Variants in AHRR observed in about 807,000 individuals in gnomAD.
AHRR encodes ahR repressor.
Under a neutral mutation model 44.0 loss-of-function variants are expected in AHRR, and 28 were observed. That is an observed-to-expected ratio of 0.64 (90% CI 0.47 to 0.87). The LOEUF (loss-of-function observed/expected upper bound fraction) is 0.87, where lower values mean the gene tolerates loss of function less well. AHRR is among the 40% of genes least tolerant of loss of function. The probability of loss-of-function intolerance (pLI) is 0.00; values close to 1 mark genes in which losing one functional copy is unlikely to be tolerated. For synonymous variants in AHRR, 434 were observed against 407.0 expected (o/e 1.07, Z -0.80); for missense variants, 990 against 953.9 (o/e 1.04, Z -0.50).
At chr5:416,321 T>C (rs1735810372) in intron 5 of AHRR, among the ~76,000 whole-genome samples, 1 of 152,240 alleles carries the variant, frequency 6.6e-6, no homozygotes, top group Non-Finnish European at 1.5e-5. Context: ...GCCCACACAA[T>C]GGCCAGCAGC....
intron 2 of AHRR, among the ~76,000 whole-genome samples, chr5:346,878 C>T (rs1742696921): frequency 6.6e-6 from 1 of 152,154 alleles, no homozygotes; most frequent in African/African-American, 2.4e-5. Context: ...TCTCCGCCTC[C>T]GGGGTCTCAT....
chr5:360,824 T>G (rs964319548), intron 3 of AHRR, among the ~76,000 whole-genome samples: 4 of 152,172 alleles, frequency 2.6e-5, no homozygotes, highest in African/African-American at 9.7e-5. Context: ...CTAAGCAAAG[T>G]GTTGAAACCC....
chr5:434,398 T>C lies in AHRR; in HGVS notation c.1658T>C (p.Val553Ala), dbSNP rs1187738431. ...GAADGCVPSQ[V>A]WLGASDRSHP... is the part of the protein sequence containing the mutation. ...GCAGACGGCTGTGTGCCCAGCCAGG[T>C]GTGGCTGGGGGCCAGTGACAGGAGC... is the stretch of plus-strand genomic sequence containing the variant. Residue 553 changes from valine to alanine, a missense_variant, in exon 11 of 11, where the codon GTG becomes GCG. Val to Ala is a moderately conservative substitution (Grantham distance 64). Transcript: ENST00000684583. 1 of 1,613,534 alleles carries C rather than the reference T, an allele frequency of 6.2e-7. No homozygotes were observed. The highest frequency in any genetic ancestry group is 8.5e-7 in the Non-Finnish European group (1 of 1,179,964).
chr5:329,722 A>C (rs1741848101), intron 1 of AHRR, among the ~76,000 whole-genome samples: 1 of 152,062 alleles, frequency 6.6e-6, no homozygotes, highest in Non-Finnish European at 1.5e-5. Context: ...GTATTTTTTA[A>C]TGGTTATTGT....
intron 3 of AHRR, among the ~76,000 whole-genome samples, chr5:356,391 T>A (rs193236503): frequency 1.6e-4 from 25 of 152,356 alleles, no homozygotes; most frequent in African/African-American, 5.8e-4. Flanking sequence ...AGCCCAGTTG[T>A]GGGTCAGGCC....
chr5:422,678 G>A (rs927061904), intron 5 of AHRR, 51 bp from the exon 6 acceptor site: 13 of 1,613,598 alleles, frequency 8.1e-6, no homozygotes, highest in Non-Finnish European at 1.0e-5. Flanking sequence ...GGAATAAAGT[G>A]TCTAAAGCCA....
intron 2 of AHRR, among the ~76,000 whole-genome samples, chr5:344,501 T>A (rs1476638876): frequency 6.0e-4 from 1 of 1,678 alleles, no homozygotes; most frequent in Non-Finnish European, 1.0e-3. Context: ...TGTGTGTGTG[T>A]GGGTGTGTGT....
chr5:394,730 G>T (rs1380049529), intron 4 of AHRR, among the ~76,000 whole-genome samples: 1 of 152,232 alleles, frequency 6.6e-6, no homozygotes, highest in Non-Finnish European at 1.5e-5. Context: ...GTGTGCGCTG[G>T]CTCCGATTGG....
intron 5 of AHRR, chr5:422,498 G>T (rs947012920): frequency 3.6e-6 from 2 of 558,604 alleles, no homozygotes; most frequent in Non-Finnish European, 6.4e-6. Flanking sequence ...GCTGGATGTG[G>T]GCACCACTTG....
chr5:407,450 T>A (rs946588902), intron 4 of AHRR, among the ~76,000 whole-genome samples: 1 of 152,252 alleles, frequency 6.6e-6, no homozygotes, highest in Non-Finnish European at 1.5e-5. Context: ...TCTACAATTA[T>A]GTACCCTAAT....
intron 2 of AHRR, among the ~76,000 whole-genome samples, chr5:348,967 C>T (rs548004299): frequency 1.1e-4 from 17 of 152,288 alleles, no homozygotes; most frequent in African/African-American, 4.1e-4. Flanking sequence ...TCTGCATCCC[C>T]GCCGGTGCGT....
intron 9 of AHRR, 91 bp from the exon 10 acceptor site, chr5:432,715 T>A (rs1736788269): frequency 6.3e-7 from 1 of 1,598,472 alleles, no homozygotes; most frequent in Non-Finnish European, 8.6e-7. Context: ...GAGGAGCCGA[T>A]GGGTCCTGCC....
At chr5:421,071 T>TA (rs1419837404) in intron 5 of AHRR, 2 of 494,172 alleles carry the variant, frequency 4.0e-6, no homozygotes, top group Non-Finnish European at 7.3e-6. Flanking sequence ...GACTAAAAGA[T>TA]AAAGAGGGAA....
intron 1 of AHRR, among the ~76,000 whole-genome samples, chr5:340,695 T>TA (rs1560881676): frequency 7.3e-5 from 4 of 54,736 alleles, no homozygotes; most frequent in African/African-American, 2.4e-4. Flanking sequence ...TATATTTTTT[T>TA]TTTTTTTTTT....
intron 4 of AHRR, among the ~76,000 whole-genome samples, chr5:400,226 T>C (rs1412571139): frequency 6.6e-6 from 1 of 152,222 alleles, no homozygotes; most frequent in Non-Finnish European, 1.5e-5. Flanking sequence ...AAAATAATCT[T>C]TGAAGTACTT....
chr5:391,299 T>G (rs1734405792), intron 4 of AHRR, among the ~76,000 whole-genome samples: 4 of 79,616 alleles, frequency 5.0e-5, no homozygotes, highest in East Asian at 2.8e-4. Flanking sequence ...CACAGCCAGA[T>G]TAGGAAGGTG....
At chr5:366,023 A>G (rs963017595) in intron 3 of AHRR, among the ~76,000 whole-genome samples, 1 of 152,242 alleles carries the variant, frequency 6.6e-6, no homozygotes, top group African/African-American at 2.4e-5. Flanking sequence ...AAAGAGAGAC[A>G]TGAATATGTA....
At chr5:368,368 C>T (rs998796303) in intron 3 of AHRR, among the ~76,000 whole-genome samples, 15 of 152,142 alleles carry the variant, frequency 9.9e-5, no homozygotes, top group Non-Finnish European at 1.9e-4. Flanking sequence ...TGACCGCTCA[C>T]TCATCTGTAC....
rs1250382981 is a variant in AHRR at position 404,636 on chromosome 5, G to C, written c.352-8708G>C. 4.7e-6 allele frequency: 1 copy of C among 213,712 alleles called. No individual in the cohort carries two copies. Among genetic ancestry groups the C allele is most frequent in the East Asian group, 1.2e-4 (1 of 8,266 alleles). 13.2% of individuals were successfully genotyped at this position (213,712 alleles called of 1,614,324 possible). On this transcript the variant is annotated intron_variant, in intron 4 of 10. Coordinates refer to ENST00000684583, the MANE Select transcript of AHRR (RefSeq NM_001377236.1). The surrounding 1 kb of genome is among the most constrained non-coding windows in gnomAD (Gnocchi z 4.1). ...ACTGTCATAAAAATTCACTCTCTTG[G>C]TTGAGTCAGTAATACGAGGGACATG...
Sources: allele counts gnomAD v4.1 joint callset (sites outside exome capture counted in the v4.1 genomes callset), GRCh38; gene constraint gnomAD v4.1.1; non-coding constraint Gnocchi (gnomAD v3.1); transcripts MANE v1.5; gene names NCBI Gene and HGNC (gene_info 2026-07-23, HGNC 2026-07-21).